Variants in CHMP3 observed in about 807,000 individuals in gnomAD.
CHMP3 encodes the protein 25.1 protein.
CHMP3 carries 8 observed loss-of-function variants against 27.4 expected under a neutral mutation model. The ratio of observed to expected loss-of-function variants is 0.29; its 90% CI spans 0.17 to 0.53. The LOEUF is 0.53. Among genes scored for constraint, CHMP3 ranks in the 20% least tolerant of loss-of-function variants. The probability of loss-of-function intolerance (pLI) is 0.96; values close to 1 mark genes in which losing one functional copy is unlikely to be tolerated. For synonymous variants in CHMP3, 86 were observed against 85.5 expected (o/e 1.01, Z -0.03); for missense variants, 208 against 271.5 (o/e 0.77, Z 1.64).
At chr2:86,536,936 A>G (rs1307871697) in intron 2 of CHMP3, among the ~76,000 whole-genome samples, 1 of 151,040 alleles carries the variant, frequency 6.6e-6, no homozygotes, top group East Asian at 1.9e-4. Context: ...TCTGTTGCCC[A>G]TGCTGGAGTG....
intron 1 of CHMP3, among the ~76,000 whole-genome samples, chr2:86,557,268 G>A (rs1455916146): frequency 6.6e-6 from 1 of 152,266 alleles, no homozygotes; most frequent in East Asian, 1.9e-4. Context: ...AGAAACCTAA[G>A]AATCATCTTT....
chr2:86,543,425 A>C (rs1445948647), intron 1 of CHMP3, among the ~76,000 whole-genome samples: 1 of 152,216 alleles, frequency 6.6e-6, no homozygotes, highest in Non-Finnish European at 1.5e-5. Context: ...TTGTATACCT[A>C]AACAAAACCT....
chr2:86,553,277 C>G (rs1676983430), intron 1 of CHMP3, among the ~76,000 whole-genome samples: 1 of 151,394 alleles, frequency 6.6e-6, no homozygotes, highest in African/African-American at 2.4e-5. Context: ...AACAAATGCT[C>G]TATTTTACAA....
Position 86,505,569 on chromosome 2 carries a change from T to C in CHMP3, c.*235A>G. 1 of 428,870 alleles carries C rather than the reference T, an allele frequency of 2.3e-6. No individual in the cohort carries two copies. Among genetic ancestry groups the C allele is most frequent in the Non-Finnish European group, 3.8e-6 (1 of 260,210 alleles). 26.6% of individuals were successfully genotyped at this position (428,870 alleles called of 1,614,324 possible). On this transcript the variant is annotated 3_prime_UTR_variant, in exon 6 of 6. Transcript: ENST00000263856. ...GTGCTTCATGAGCAGATGGATTTCT[T>C]TCCCCTCCCCACAATAAGATATATC...
In CHMP3 at chr2:86,555,712, T is replaced by C. The variant is rs529793395; in HGVS notation, c.45+7592A>G. ...CACCATCCAATCTTCAAGGCCAGCA[T>C]CTTCAGTGCTGTCTCTGCTCCATCC... On this transcript the variant is annotated intron_variant, in intron 1 of 5. Transcript: ENST00000263856. Among the ~76,000 whole-genome samples the C allele has an allele frequency of 7.2e-5, 11 of 152,274 alleles. No individual in the cohort carries two copies. In the South Asian group the frequency reaches 1.7e-3, roughly 23 times the overall value.
intron 4 of CHMP3, among the ~76,000 whole-genome samples, chr2:86,509,699 G>A (rs1234989793): frequency 1.3e-5 from 2 of 152,172 alleles, no homozygotes; most frequent in Non-Finnish European, 1.5e-5. Flanking sequence ...TACAACCAAG[G>A]TGACCTTAGG....
At chr2:86,524,810 T>G (rs1165365113) in intron 3 of CHMP3, among the ~76,000 whole-genome samples, 1 of 152,162 alleles carries the variant, frequency 6.6e-6, no homozygotes, top group Non-Finnish European at 1.5e-5. Context: ...ACATAGAGAT[T>G]CATTTGGGTA....
At chr2:86,528,281 A>G (rs1675791877) in intron 3 of CHMP3, among the ~76,000 whole-genome samples, 1 of 152,220 alleles carries the variant, frequency 6.6e-6, no homozygotes, top group Non-Finnish European at 1.5e-5. Context: ...GAAGTATCTG[A>G]CAGAGAGTTG....
intron 1 of CHMP3, among the ~76,000 whole-genome samples, chr2:86,560,363 G>A (rs1677301996): frequency 1.3e-5 from 2 of 152,130 alleles, no homozygotes; most frequent in African/African-American, 2.4e-5. Flanking sequence ...GTGGCACCAT[G>A]GAATACTATG....
chr2:86,510,400 C>A lies in CHMP3; in HGVS notation c.366G>T (p.Glu122Asp), dbSNP rs1282713848. The A allele has an allele frequency of 2.5e-6, 4 of 1,612,804 alleles. No individual in the cohort carries two copies. The highest frequency in any genetic ancestry group is 3.4e-6 in the Non-Finnish European group (4 of 1,179,160). Residue 122 changes from glutamate to aspartate, a missense_variant, in exon 4 of 6, where the codon GAG (glutamate) becomes GAT (aspartate). Coordinates refer to ENST00000263856, the MANE Select transcript of CHMP3 (RefSeq NM_016079.4). ...ACAACTCCCTCATGGTGGCCTGAAT[C>A]TCTGGAATCTTCACAAGACTTTGCA... Reference protein sequence around the residue: ...KAMQSLVKIPEIQATMRELSK... With the variant: ...KAMQSLVKIPDIQATMRELSK...
chr2:86,535,882 G>T (rs1041240738), intron 2 of CHMP3, among the ~76,000 whole-genome samples: 4 of 151,944 alleles, frequency 2.6e-5, no homozygotes, highest in African/African-American at 9.7e-5. Flanking sequence ...TTCAGTTACT[G>T]ATGTCACAAT....
chr2:86,507,465 T>G lies in CHMP3; in HGVS notation c.523+14A>C. ...ATAAAAAGAGAGGAGAAAGGATGGA[T>G]CTCACGGTCATACCTGCTGTAATTT... On this transcript the variant is annotated intron_variant, in intron 5 of 5. Coordinates refer to ENST00000263856, the MANE Select transcript of CHMP3 (RefSeq NM_016079.4). The G allele has an allele frequency of 6.2e-7, 1 of 1,608,908 alleles. No homozygotes were observed. Among genetic ancestry groups the G allele is most frequent in the Non-Finnish European group, 8.5e-7 (1 of 1,175,340 alleles).
chr2:86,532,375 G>A (rs11127045), intron 2 of CHMP3, among the ~76,000 whole-genome samples: 59,364 of 151,928 alleles, frequency 0.39, 13,568 homozygotes, highest in East Asian at 0.75. Context: ...TATAGTATCA[G>A]CTGCAAACAG....
intron 1 of CHMP3, chr2:86,562,703 G>A (rs1677422332): frequency 6.6e-6 from 1 of 152,248 alleles, no homozygotes; most frequent in Non-Finnish European, 1.5e-5. Flanking sequence ...TCAATTAATA[G>A]GTAACGAGAG....
chr2:86,513,614 A>AT (rs1167376156), intron 3 of CHMP3, among the ~76,000 whole-genome samples: 1 of 152,096 alleles, frequency 6.6e-6, no homozygotes, highest in Non-Finnish European at 1.5e-5. Flanking sequence ...GGGTATGTGG[A>AT]TTTTCTGTAC....
At chr2:86,540,468 G>A (rs532848812) in intron 2 of CHMP3, among the ~76,000 whole-genome samples, 2 of 151,976 alleles carry the variant, frequency 1.3e-5, no homozygotes, top group South Asian at 4.2e-4. Flanking sequence ...TGGAATGTTT[G>A]CATCATACCA....
chr2:86,545,785 G>C (rs1573290014), intron 1 of CHMP3, among the ~76,000 whole-genome samples: 1 of 149,500 alleles, frequency 6.7e-6, no homozygotes, highest in African/African-American at 2.5e-5. Flanking sequence ...GCCGGGCAGA[G>C]GCGCTCCTCA....
intron 3 of CHMP3, chr2:86,510,830 C>A: frequency 4.3e-6 from 1 of 230,734 alleles, no homozygotes; most frequent in Non-Finnish European, 8.6e-6. Context: ...GTAAAGGCCA[C>A]ACTAGGAAAG....
intron 1 of CHMP3, chr2:86,561,507 A>T (rs1677364476): frequency 6.6e-6 from 1 of 152,204 alleles, no homozygotes; most frequent in Admixed American, 6.5e-5. Flanking sequence ...TCAGATTTTG[A>T]ATTCTGACAA....
Sources: allele counts gnomAD v4.1 joint callset (sites outside exome capture counted in the v4.1 genomes callset), GRCh38; gene constraint gnomAD v4.1.1; transcripts MANE v1.5; gene names NCBI Gene and HGNC (gene_info 2026-07-23, HGNC 2026-07-21).